Variants in SHROOM3 observed in about 807,000 individuals in gnomAD.
SHROOM3 encodes shroom family member 3, also known as protein Shroom3.
SHROOM3 carries 47 observed loss-of-function variants against 138.6 expected under a neutral mutation model. The ratio of observed to expected loss-of-function variants is 0.34; its 90% CI spans 0.27 to 0.43. The LOEUF (loss-of-function observed/expected upper bound fraction) is 0.43. Among genes scored for constraint, SHROOM3 ranks in the 20% least tolerant of loss-of-function variants. The probability of loss-of-function intolerance (pLI) is 1.00; values close to 1 mark genes in which losing one functional copy is unlikely to be tolerated. For synonymous variants in SHROOM3, 1,062 were observed against 1,063.3 expected (o/e 1.00, Z 0.02); for missense variants, 2,491 against 2,596.5 (o/e 0.96, Z 0.88).
At chr4:76,773,260 G>A (rs1722430361) in intron 10 of SHROOM3, among the ~76,000 whole-genome samples, 1 of 151,566 alleles carries the variant, frequency 6.6e-6, no homozygotes. Flanking sequence ...TGTAATCCCA[G>A]CTACTCAGGA....
At chr4:76,747,678 C>T (rs1160887969) in intron 5 of SHROOM3, among the ~76,000 whole-genome samples, 1 of 152,032 alleles carries the variant, frequency 6.6e-6, no homozygotes, top group African/African-American at 2.4e-5. Flanking sequence ...ACATTCTTGT[C>T]AACATAGGGA....
At position 76,754,989 on chromosome 4, in the gene SHROOM3, G is replaced by A. The variant is rs1721757048; in HGVS notation, c.4506G>A (p.Glu1502=). ...TGCGGGACTCCCCGCCACCTCATGA[G>A]GATTATGAAGACGAAGTGTTTGTGA... ...SVLRDSPPPH[E]DYEDEVFVRD... Residue 1502 remains glutamate, a synonymous_variant, in exon 7 of 11, where the codon GAG becomes GAA. Coordinates refer to ENST00000296043, the MANE Select transcript of SHROOM3 (RefSeq NM_020859.4). The A allele has an allele frequency of 1.2e-6, 2 of 1,613,334 alleles. No homozygotes were observed. Among genetic ancestry groups the A allele is most frequent in the South Asian group, 1.1e-5 (1 of 91,058 alleles).
chr4:76,653,608 C>T (rs1736006635), intron 2 of SHROOM3, among the ~76,000 whole-genome samples: 1 of 152,202 alleles, frequency 6.6e-6, no homozygotes, highest in Admixed American at 6.5e-5. Context: ...CTTTGTCACT[C>T]AGGCTGGAGT....
rs57089323 is a variant in SHROOM3 at position 76,547,932 on chromosome 4, A to AACACAC, written c.169-7654_169-7649dup. Among the ~76,000 whole-genome samples, 1,180 of 146,138 alleles carry AACACAC rather than the reference A, an allele frequency of 8.1e-3. 9 individuals carry two copies. The highest frequency in any genetic ancestry group is 0.024 in the South Asian group (110 of 4,506). ...GTGACAGTGCAAGGCCCTGTCTCAA[A>AACACAC]ACACACACACACACACACACACACA... is the stretch of plus-strand genomic sequence containing the variant. On this transcript the variant is annotated intron_variant, in intron 1 of 10. Transcript: ENST00000296043.
intron 5 of SHROOM3, chr4:76,742,248 TGC>T: frequency 2.5e-6 from 1 of 393,634 alleles, no homozygotes; most frequent in Non-Finnish European, 4.7e-6. Context: ...TTTTGTTTTT[TGC>T]TTTTTTTTTT....
At chr4:76,543,109 T>C (rs1054028375) in intron 1 of SHROOM3, among the ~76,000 whole-genome samples, 6 of 152,246 alleles carry the variant, frequency 3.9e-5, no homozygotes, top group African/African-American at 1.4e-4. Flanking sequence ...TCATTCTGTC[T>C]GGTCCTTCAA....
chr4:76,443,799 T>C (rs527912209), intron 1 of SHROOM3, among the ~76,000 whole-genome samples: 3 of 152,372 alleles, frequency 2.0e-5, no homozygotes, highest in Admixed American at 1.3e-4. Flanking sequence ...GGCAGACCGA[T>C]GTACAGAACA....
intron 1 of SHROOM3, among the ~76,000 whole-genome samples, chr4:76,482,856 A>C (rs1731646173): frequency 6.6e-6 from 1 of 152,170 alleles, no homozygotes; most frequent in South Asian, 2.1e-4. Flanking sequence ...CACATCCACA[A>C]CCATCTGATC....
chr4:76,662,634 A>G (rs757769072), intron 2 of SHROOM3, among the ~76,000 whole-genome samples: 2 of 152,218 alleles, frequency 1.3e-5, no homozygotes, highest in Non-Finnish European at 2.9e-5. Flanking sequence ...AATTCTGCCT[A>G]CCATAGCAGT....
rs1578043737 is a variant in SHROOM3, at chr4:76,779,705, T to G, written c.*528T>G. On this transcript the variant is annotated 3_prime_UTR_variant, in exon 11 of 11. Coordinates refer to ENST00000296043, the MANE Select transcript of SHROOM3 (RefSeq NM_020859.4). Reference sequence around the variant, plus strand: ...CTATGTTTGTTGTGCTAACCACTTATTTGATTCTGTTTTGTGGTGGACATA... The same window carrying G: ...CTATGTTTGTTGTGCTAACCACTTAGTTGATTCTGTTTTGTGGTGGACATA... 1 of 154,010 alleles carries G rather than the reference T, an allele frequency of 6.5e-6. No homozygotes were observed. Among genetic ancestry groups the G allele is most frequent in the African/African-American group, 2.4e-5 (1 of 41,482 alleles). 9.5% of individuals were successfully genotyped at this position (154,010 alleles called of 1,614,324 possible).
rs376844685 is a variant in SHROOM3, at chr4:76,779,033, C to G, written c.5847C>G (p.Val1949=). ...DDKIKLGQEQ[V]KCLLESLPSD... ...AGATCAAGCTGGGCCAGGAGCAGGT[C>G]AAGTGTCTGCTGGAGAGCCTGCCCT... The change falls in exon 11 of 11, where the codon GTC becomes GTG. Residue 1949 remains valine, a synonymous_variant. Coordinates refer to ENST00000296043, the MANE Select transcript of SHROOM3 (RefSeq NM_020859.4). 28 of 1,614,072 alleles carry G rather than the reference C, an allele frequency of 1.7e-5. No individual in the cohort carries two copies. Among genetic ancestry groups the G allele is most frequent in the Admixed American group, 1.7e-5 (1 of 60,000 alleles).
At position 76,523,902 on chromosome 4, in the gene SHROOM3, G is replaced by A. The variant is rs569684347; in HGVS notation, c.169-31707G>A. Among the ~76,000 whole-genome samples the A allele has an allele frequency of 8.7e-4, 132 of 152,326 alleles. 1 individual carries two copies. Among genetic ancestry groups the A allele is most frequent in the African/African-American group, 3.0e-3 (123 of 41,570 alleles). The stretch of plus-strand genomic sequence containing the variant: ...ATGGTGGTGCCGAGGCTGGAGAGAG[G>A]CAGGAAGCCTGTCATCCAGGACGCT... On this transcript the variant is annotated intron_variant, in intron 1 of 10. Coordinates refer to ENST00000296043, the MANE Select transcript of SHROOM3 (RefSeq NM_020859.4).
chr4:76,572,382 A>G (rs1453683848), intron 2 of SHROOM3, among the ~76,000 whole-genome samples: 2 of 152,160 alleles, frequency 1.3e-5, no homozygotes, highest in Non-Finnish European at 2.9e-5. Flanking sequence ...AAGTGATCTT[A>G]ATAAAGGCTG....
intron 3 of SHROOM3, among the ~76,000 whole-genome samples, chr4:76,721,300 G>A (rs1720546234): frequency 6.7e-6 from 1 of 150,122 alleles, no homozygotes; most frequent in South Asian, 2.1e-4. Context: ...GACAGAGCGA[G>A]ACTCCGTCTC....
intron 1 of SHROOM3, among the ~76,000 whole-genome samples, chr4:76,552,313 C>T (rs1296375780): frequency 1.3e-5 from 2 of 150,822 alleles, no homozygotes; most frequent in Non-Finnish European, 3.0e-5. Context: ...TCAAGACCAG[C>T]CCAGGCAACA....
chr4:76,615,736 A>G (rs1462658594), intron 2 of SHROOM3, among the ~76,000 whole-genome samples: 5 of 152,102 alleles, frequency 3.3e-5, no homozygotes, highest in Non-Finnish European at 7.4e-5. Context: ...TCCCAGTTGG[A>G]TGGCTTATAA....
At chr4:76,559,048 C>G (rs991957645) in intron 2 of SHROOM3, 1 of 152,214 alleles carries the variant, frequency 6.6e-6, no homozygotes, top group Non-Finnish European at 1.5e-5. Flanking sequence ...TCTTTCTTTA[C>G]GTATGCTAAT....
At chr4:76,764,160 A>T (rs973710193) in intron 9 of SHROOM3, among the ~76,000 whole-genome samples, 3 of 152,230 alleles carry the variant, frequency 2.0e-5, no homozygotes, top group African/African-American at 7.2e-5. Context: ...ATCCTAGATG[A>T]TGAATAATAT....
chr4:76,519,103 C>G (rs1352094635), intron 1 of SHROOM3, among the ~76,000 whole-genome samples: 1 of 152,176 alleles, frequency 6.6e-6, no homozygotes, highest in African/African-American at 2.4e-5. Context: ...CCAGCAAAGG[C>G]TTCTGGTTGG....
Sources: gnomAD v4.1 joint callset for allele counts (sites outside exome capture counted in the v4.1 genomes callset) on GRCh38, gnomAD v4.1.1 for gene constraint, MANE v1.5 for transcripts, NCBI Gene and HGNC (gene_info 2026-07-23, HGNC 2026-07-21) for gene names.